TOX2: variants seen among roughly 807,000 people sequenced by gnomAD.
TOX2 encodes TOX high mobility group box family member 2, also known as granulosa cell HMG box 1.
Under a neutral mutation model 47.4 loss-of-function variants are expected in TOX2, and 15 were observed. The observed-to-expected ratio is 0.32, with a 90% CI of 0.21 to 0.49. TOX2 has a LOEUF of 0.49. TOX2 is among the 20% of genes least tolerant of loss of function. TOX2 has a pLI of 0.99. For synonymous variants in TOX2, 290 were observed against 296.6 expected (o/e 0.98, Z 0.23); for missense variants, 622 against 673.1 (o/e 0.92, Z 0.84).
chr20:43,947,774 T>C (rs2069497091), intron 1 of TOX2, among the ~76,000 whole-genome samples: 3 of 152,204 alleles, frequency 2.0e-5, no homozygotes, highest in African/African-American at 7.2e-5. Flanking sequence ...AGCACTGTGT[T>C]GGTGGGGCCC....
At chr20:43,978,494 A>G (rs374841291) in intron 2 of TOX2, among the ~76,000 whole-genome samples, 2 of 143,084 alleles carry the variant, frequency 1.4e-5, no homozygotes, top group Admixed American at 6.8e-5. Flanking sequence ...ATTATTTTTT[A>G]CCATATATAA....
chr20:44,051,478 G>C lies in TOX2; in HGVS notation c.584G>C (p.Gly195Ala). 6.2e-7 allele frequency: 1 copy of C among 1,613,400 alleles called. No individual in the cohort carries two copies. The highest frequency in any genetic ancestry group is 8.5e-7 in the Non-Finnish European group (1 of 1,179,592). The change falls in exon 4 of 9, where the codon GGG (glycine) becomes GCG (alanine). Residue 195 changes from glycine to alanine, a missense_variant. Around this residue, in one of 3 missense-constraint regions of TOX2, gnomAD observed 307 missense variants for 327.3 expected, o/e 0.94. Transcript: ENST00000341197. ...GCCCACAGCTCCCCATCACCGCCGGGGAGCAAGTCAGCGACCCCCTCTCCC... is the reference window on the plus strand; with the variant it reads ...GCCCACAGCTCCCCATCACCGCCGGCGAGCAAGTCAGCGACCCCCTCTCCC... ...SIAHSSPSPP[G>A]SKSATPSPSS...
chr20:44,039,198 G>C, intron 3 of TOX2: 1 of 1,281,620 alleles, frequency 7.8e-7, no homozygotes, highest in Non-Finnish European at 1.0e-6. Context: ...GAGCAGGAGA[G>C]GGAAGGCTTC....
intron 1 of TOX2, among the ~76,000 whole-genome samples, chr20:43,927,059 C>G (rs911432698): frequency 6.6e-6 from 1 of 152,220 alleles, no homozygotes; most frequent in African/African-American, 2.4e-5. Flanking sequence ...ATTCCGTAGG[C>G]TTAGCTTCAA....
chr20:44,016,209 A>G (rs1403515497), intron 3 of TOX2, among the ~76,000 whole-genome samples: 1 of 151,984 alleles, frequency 6.6e-6, no homozygotes, highest in African/African-American at 2.4e-5. Context: ...GCACCCTTTA[A>G]GGTAGGAACC....
intron 3 of TOX2, among the ~76,000 whole-genome samples, chr20:44,030,267 C>T (rs1435821136): frequency 6.6e-6 from 1 of 152,144 alleles, no homozygotes; most frequent in Non-Finnish European, 1.5e-5. Flanking sequence ...GAACCAGTCC[C>T]CAATCCTAAG....
In TOX2 at chr20:44,035,312, T is replaced by C. The variant is rs531891620; in HGVS notation, c.412-15994T>C. On this transcript the variant is annotated intron_variant, in intron 3 of 8. Coordinates refer to ENST00000341197, the MANE Select transcript of TOX2 (RefSeq NM_001098797.2). ...TCCATCCCTGCTGGCCTCTGAAGCC[T>C]CAGTGAAGCCACCTTGGGTCCTGCC... 3.3e-5 allele frequency among the ~76,000 whole-genome samples: 5 copies of C among 152,332 alleles called. No homozygotes were observed. In the South Asian group the frequency reaches 1.0e-3, roughly 32 times the overall value.
chr20:43,945,671 C>G (rs2069456789), intron 1 of TOX2: 1 of 481,146 alleles, frequency 2.1e-6, no homozygotes, highest in Admixed American at 3.4e-5. Flanking sequence ...GCTGCCTCCC[C>G]TTCTGCTCCC....
intron 1 of TOX2, among the ~76,000 whole-genome samples, chr20:43,965,669 T>A (rs2145444140): frequency 6.6e-6 from 1 of 152,322 alleles, no homozygotes; most frequent in East Asian, 1.9e-4. Flanking sequence ...ACGAGATATG[T>A]GCCTGGTACA....
At position 44,068,878 on chromosome 20, in the gene TOX2, C is replaced by T. The variant is rs530944221; in HGVS notation, c.*192C>T. The T allele has an allele frequency of 1.3e-6, 1 of 790,668 alleles. No homozygotes were observed. The highest frequency in any genetic ancestry group is 2.2e-6 in the Non-Finnish European group (1 of 455,778). 49.0% of individuals were successfully genotyped at this position (790,668 alleles called of 1,614,324 possible). A position where few individuals can be genotyped will look rare whatever the true frequency, so the allele number is the denominator to read the frequency against. ...TCTGCAGAGGCAGCCCACTGCCCAC[C>T]ACCAGCCCAAAGAACCTGCAGGAAC... On this transcript the variant is annotated 3_prime_UTR_variant, in exon 9 of 9. Transcript: ENST00000341197.
intron 1 of TOX2, among the ~76,000 whole-genome samples, chr20:43,970,875 C>T (rs555882577): frequency 1.3e-5 from 2 of 152,202 alleles, no homozygotes; most frequent in African/African-American, 2.4e-5. Flanking sequence ...AGAGGAGATG[C>T]GAGCATGGCA....
chr20:43,925,939 C>T (rs1373017474), intron 1 of TOX2, among the ~76,000 whole-genome samples: 1 of 152,154 alleles, frequency 6.6e-6, no homozygotes, highest in African/African-American at 2.4e-5. Context: ...GTCAGGGTGC[C>T]AGGGGGAGCT....
At chr20:43,958,219 A>T (rs1011818570) in intron 1 of TOX2, among the ~76,000 whole-genome samples, 1 of 152,008 alleles carries the variant, frequency 6.6e-6, no homozygotes, top group African/African-American at 2.4e-5. Context: ...TTACTGCCAC[A>T]CTGCTTTAAT....
intron 5 of TOX2, among the ~76,000 whole-genome samples, chr20:44,056,004 A>G (rs1302650542): frequency 6.6e-6 from 1 of 152,300 alleles, no homozygotes; most frequent in East Asian, 1.9e-4. Flanking sequence ...AGACAGGGAA[A>G]GGAGGGCAGC....
chr20:43,991,322 G>A (rs1274048967), intron 2 of TOX2, among the ~76,000 whole-genome samples: 4 of 152,188 alleles, frequency 2.6e-5, no homozygotes, highest in South Asian at 2.1e-4. Flanking sequence ...CAGGAAAGAT[G>A]GTGCAGCACT....
intron 2 of TOX2, among the ~76,000 whole-genome samples, chr20:43,976,311 G>A (rs1446942100): frequency 6.6e-6 from 1 of 152,216 alleles, no homozygotes; most frequent in African/African-American, 2.4e-5. Context: ...GCAGTGGGCT[G>A]GTTGGTATGG....
chr20:44,064,046 A>G (rs1017500609), intron 5 of TOX2, among the ~76,000 whole-genome samples: 5 of 152,262 alleles, frequency 3.3e-5, no homozygotes, highest in Non-Finnish European at 7.3e-5. Flanking sequence ...CATCAGGTAC[A>G]GTGTACACTG....
chr20:44,013,791 C>T (rs2070824370), intron 3 of TOX2, among the ~76,000 whole-genome samples: 1 of 152,058 alleles, frequency 6.6e-6, no homozygotes, highest in African/African-American at 2.4e-5. Flanking sequence ...GGTCAGCTGA[C>T]ACCAAAGGGG....
chr20:43,988,662 G>T (rs1432168665), intron 2 of TOX2, among the ~76,000 whole-genome samples: 1 of 152,236 alleles, frequency 6.6e-6, no homozygotes, highest in Non-Finnish European at 1.5e-5. Flanking sequence ...ACCTGGCACA[G>T]GGTAGGAGTG....
Sources: gnomAD v4.1 joint callset for allele counts (sites outside exome capture counted in the v4.1 genomes callset) on GRCh38, gnomAD v4.1.1 for gene constraint, gnomAD v4.1.1 regional missense constraint, MANE v1.5 for transcripts, NCBI Gene and HGNC (gene_info 2026-07-23, HGNC 2026-07-21) for gene names.